MTOR: variants seen among roughly 807,000 people sequenced by gnomAD.
MTOR encodes mechanistic target of rapamycin kinase, also known as serine/threonine-protein kinase mTOR.
MTOR carries 70 observed loss-of-function variants against 319.8 expected under a neutral mutation model. That is an observed-to-expected ratio of 0.22 (90% CI 0.18 to 0.27). MTOR has a LOEUF of 0.27. Among genes scored for constraint, MTOR ranks in the 10% least tolerant of loss-of-function variants. The pLI is 1.00. For synonymous variants in MTOR, 1,183 were observed against 1,211.4 expected, an observed-to-expected ratio of 0.98 and a Z score of 0.49; for missense variants, 1,890 against 3,274.4, an observed-to-expected ratio of 0.58 and a Z score of 10.32.
chr1:11,194,311 T>C, intron 28 of MTOR: 1 of 754,136 alleles, frequency 1.3e-6, no homozygotes, highest in Non-Finnish European at 2.2e-6. Flanking sequence ...GTTAACACAG[T>C]AAACTGGAGG....
chr1:11,145,215 G>T (rs1643892861), intron 32 of MTOR, 170 bp from the exon 33 acceptor site: 2 of 613,796 alleles, frequency 3.3e-6, no homozygotes, highest in Admixed American at 6.1e-5. Context: ...TTGAGAGGAG[G>T]TATTATCCAA....
intron 8 of MTOR, among the ~76,000 whole-genome samples, chr1:11,245,992 C>T (rs755862662): frequency 6.6e-6 from 1 of 152,160 alleles, no homozygotes; most frequent in African/African-American, 2.4e-5. Context: ...GATTCTAGTT[C>T]AGTCTTGGAG....
At chr1:11,161,546 A>T (rs974241213) in intron 29 of MTOR, among the ~76,000 whole-genome samples, 8 of 152,300 alleles carry the variant, frequency 5.3e-5, no homozygotes, top group Middle Eastern at 3.4e-3. Flanking sequence ...GTAGGGGCCG[A>T]CTGACACCTC....
chr1:11,114,736 T>C (rs1462429373), intron 52 of MTOR, 77 bp downstream of exon 52: 6 of 1,421,598 alleles, frequency 4.2e-6, no homozygotes, highest in Non-Finnish European at 5.9e-6. Context: ...ACTGATGGGC[T>C]CTAACAAGCG....
intron 54 of MTOR, among the ~76,000 whole-genome samples, chr1:11,110,799 CT>C: frequency 6.6e-6 from 1 of 152,256 alleles, no homozygotes. Context: ...TCAAGTGCTC[CT>C]CCTGGGCTTA....
chr1:11,208,559 C>T (rs938409008), intron 25 of MTOR, among the ~76,000 whole-genome samples: 3 of 152,224 alleles, frequency 2.0e-5, no homozygotes, highest in African/African-American at 7.2e-5. Context: ...GAAATCTAAA[C>T]TGGAAGTTGC....
At chr1:11,245,869 T>C (rs752079809) in intron 8 of MTOR, among the ~76,000 whole-genome samples, 17 of 152,136 alleles carry the variant, frequency 1.1e-4, no homozygotes, top group Non-Finnish European at 2.4e-4. Context: ...GAGATCGCAT[T>C]ACTGCACTTC....
intron 28 of MTOR, chr1:11,194,473 A>G: frequency 6.2e-7 from 1 of 1,614,040 alleles, no homozygotes; most frequent in Non-Finnish European, 8.5e-7. Context: ...CTGGGAGGGC[A>G]ACCTGCGCTA....
chr1:11,261,059 T>C (rs1651056101), intron 1 of MTOR, among the ~76,000 whole-genome samples: 1 of 151,894 alleles, frequency 6.6e-6, no homozygotes, highest in African/African-American at 2.4e-5. Context: ...CCCAAAGTGC[T>C]GGGATTACAG....
chr1:11,126,606 G>A lies in MTOR; in HGVS notation c.6526+16C>T. On this transcript the variant is annotated intron_variant, in intron 46 of 57. Coordinates refer to ENST00000361445, the MANE Select transcript of MTOR (RefSeq NM_004958.4). ...GGAGGGAGAAGTGGGTGACAGAAGT[G>A]CACAATGGTCCTTACCCATAAGTGT... is the stretch of plus-strand genomic sequence containing the variant. The A allele has an allele frequency of 1.2e-6, 2 of 1,612,232 alleles. No homozygotes were observed. Among genetic ancestry groups the A allele is most frequent in the Non-Finnish European group, 1.7e-6 (2 of 1,178,864 alleles).
At chr1:11,196,956 T>A (rs1645807757) in intron 28 of MTOR, among the ~76,000 whole-genome samples, 1 of 152,010 alleles carries the variant, frequency 6.6e-6, no homozygotes, top group Non-Finnish European at 1.5e-5. Context: ...TTGACTCAAA[T>A]GTATATACTA....
intron 30 of MTOR, 68 bp from the exon 31 acceptor site, chr1:11,150,294 C>T: frequency 1.4e-6 from 2 of 1,389,526 alleles, no homozygotes; most frequent in Non-Finnish European, 2.0e-6. Flanking sequence ...TCCTCTCCTG[C>T]CCCTTGGGTT....
chr1:11,213,783 C>A (rs1301542228), intron 20 of MTOR, among the ~76,000 whole-genome samples: 4 of 152,202 alleles, frequency 2.6e-5, no homozygotes, highest in African/African-American at 9.7e-5. Context: ...CACCAGGCTA[C>A]CTCAGTCCTC....
Position 11,162,007 on chromosome 1 carries a change from A to G in MTOR, c.4330-4716T>C, listed in dbSNP as rs1036711562. ...TTCCAAGCTAAAGGAGGATGTTCAA[A>G]CCCATCGCAAAGAAGCTAAAAACCT... On this transcript the variant is annotated intron_variant, in intron 29 of 57. Transcript: ENST00000361445. Among the ~76,000 whole-genome samples, 19 of 152,306 alleles carry G rather than the reference A, an allele frequency of 1.2e-4. No homozygotes were observed. The Middle Eastern group carries it at 0.01, about 82-fold the overall frequency.
chr1:11,162,021 A>T (rs1390611474), intron 29 of MTOR, among the ~76,000 whole-genome samples: 3 of 152,184 alleles, frequency 2.0e-5, no homozygotes, highest in Non-Finnish European at 4.4e-5. Context: ...ATCGCAAAGA[A>T]GCTAAAAACC....
intron 49 of MTOR, among the ~76,000 whole-genome samples, chr1:11,117,833 A>C (rs1421556425): frequency 6.6e-6 from 1 of 152,142 alleles, no homozygotes; most frequent in Non-Finnish European, 1.5e-5. Flanking sequence ...TAATCCCAGC[A>C]CTTTGGGAGG....
Position 11,146,697 on chromosome 1 carries a change from G to A in MTOR, c.4665C>T (p.Asp1555=), listed in dbSNP as rs1570989326. The A allele has an allele frequency of 6.2e-7, 1 of 1,614,008 alleles. No homozygotes were observed. Among genetic ancestry groups the A allele is most frequent in the Non-Finnish European group, 8.5e-7 (1 of 1,179,960 alleles). Residue 1555 remains aspartate, a synonymous_variant, in exon 32 of 58, where the codon GAC becomes GAT. Coordinates refer to ENST00000361445, the MANE Select transcript of MTOR (RefSeq NM_004958.4). The stretch of plus-strand genomic sequence containing the variant: ...TTACCTGTTGTGCCAAGGAGAAGAG[G>A]TCCTGATGCAGTGCCAGCACAGCTC... The part of the protein sequence containing the change: ...FYRAVLALHQ[D]LFSLAQQCID...
chr1:11,118,615 CTTCTT>C (rs1234635327), intron 49 of MTOR, among the ~76,000 whole-genome samples: 10 of 142,424 alleles, frequency 7.0e-5, no homozygotes, highest in African/African-American at 2.4e-4. Context: ...TCTTTTTCTT[CTTCTT>C]TTTTTTTTTT....
chr1:11,253,786 C>A, intron 6 of MTOR, 53 bp downstream of exon 6: 1 of 1,607,084 alleles, frequency 6.2e-7, no homozygotes, highest in Non-Finnish European at 8.5e-7. Context: ...CCTTGCCTCG[C>A]TCACAGAATG....
Sources: gnomAD v4.1 joint callset for allele counts (sites outside exome capture counted in the v4.1 genomes callset) on GRCh38, gnomAD v4.1.1 for gene constraint, MANE v1.5 for transcripts, NCBI Gene and HGNC (gene_info 2026-07-23, HGNC 2026-07-21) for gene names.